SLC12A1: variants seen among roughly 807,000 people sequenced by gnomAD.
SLC12A1 encodes the protein Na-K-2Cl cotransporter.
Under a neutral mutation model 130.4 loss-of-function variants are expected in SLC12A1, and 89 were observed. The observed-to-expected ratio is 0.68, with a 90% CI of 0.58 to 0.81. The LOEUF (loss-of-function observed/expected upper bound fraction) is 0.81, where lower values mean the gene tolerates loss of function less well. SLC12A1 is among the 40% of genes least tolerant of loss of function. The probability of loss-of-function intolerance (pLI) is 0.00; values close to 1 mark genes in which losing one functional copy is unlikely to be tolerated. For synonymous variants in SLC12A1, 499 were observed against 460.0 expected, an observed-to-expected ratio of 1.08 and a Z score of -1.09; for missense variants, 1,310 against 1,336.4, an observed-to-expected ratio of 0.98 and a Z score of 0.31.
intron 17 of SLC12A1, 46 bp downstream of exon 17, chr15:48,259,357 A>G (rs1369721993): frequency 8.0e-7 from 1 of 1,254,304 alleles, no homozygotes; most frequent in South Asian, 1.2e-5. Flanking sequence ...CTCCCTGCTT[A>G]TCTTGGATTA....
At chr15:48,289,394 C>CATATATAT (rs10609887) in intron 23 of SLC12A1, among the ~76,000 whole-genome samples, 20 of 112,860 alleles carry the variant, frequency 1.8e-4, no homozygotes, top group East Asian at 5.7e-4. Context: ...GTGAATGTGA[C>CATATATAT]ATATATATAT....
chr15:48,254,627 A>C (rs963946095), intron 15 of SLC12A1, among the ~76,000 whole-genome samples: 2 of 142,986 alleles, frequency 1.4e-5, no homozygotes, highest in Non-Finnish European at 1.5e-5. Flanking sequence ...AAAAAAAAAA[A>C]AAACCCAAAA....
Position 48,302,870 on chromosome 15 carries a change from G to C in SLC12A1, c.3285G>C (p.Leu1095Phe), listed in dbSNP as rs1258786812. 1.9e-6 allele frequency: 3 copies of C among 1,610,086 alleles called. No individual in the cohort carries two copies. The highest frequency in any genetic ancestry group is 2.5e-6 in the Non-Finnish European group (3 of 1,177,002). The change falls in exon 27 of 27, where the codon TTG becomes TTC. Residue 1095 changes from leucine to phenylalanine, a missense_variant. Physicochemically the swap from Leu to Phe is conservative, Grantham distance 22. Coordinates refer to ENST00000380993, the MANE Select transcript of SLC12A1 (RefSeq NM_000338.3). ...TTAGAGGAAATCACAAAAATGTCTT[G>C]ACATTTTACTCTTAAAACATGAAAG... The part of the protein sequence containing the change: ...LLVRGNHKNV[L>F]TFYS
At chr15:48,233,746 A>G (rs2041406752) in intron 8 of SLC12A1, among the ~76,000 whole-genome samples, 1 of 152,042 alleles carries the variant, frequency 6.6e-6, no homozygotes, top group Admixed American at 6.6e-5. Flanking sequence ...TTCTTCATAA[A>G]GACTTTCTGG....
intron 16 of SLC12A1, among the ~76,000 whole-genome samples, chr15:48,257,434 T>A (rs753900371): frequency 5.3e-5 from 8 of 152,150 alleles, no homozygotes; most frequent in Non-Finnish European, 8.8e-5. Flanking sequence ...TGCACTACCC[T>A]AGCAGAGGTT....
intron 2 of SLC12A1, among the ~76,000 whole-genome samples, chr15:48,216,214 G>A (rs1389525384): frequency 6.6e-6 from 1 of 152,064 alleles, no homozygotes; most frequent in African/African-American, 2.4e-5. Flanking sequence ...ACATATAGTG[G>A]TTTCCCTGTC....
At chr15:48,226,858 C>T (rs2141027706) in intron 5 of SLC12A1, 1 of 596,424 alleles carries the variant, frequency 1.7e-6, no homozygotes, top group East Asian at 2.8e-5. Flanking sequence ...ACACCTCTAG[C>T]TGATGTTCCT....
At chr15:48,235,230 G>C in intron 9 of SLC12A1, 1 of 581,446 alleles carries the variant, frequency 1.7e-6, no homozygotes, top group African/African-American at 1.9e-5. Flanking sequence ...AGAAGAACAG[G>C]GTAGTGTGAT....
intron 7 of SLC12A1, 147 bp from the exon 8 acceptor site, chr15:48,232,580 G>T (rs1304540488): frequency 4.6e-6 from 3 of 658,540 alleles, no homozygotes; most frequent in African/African-American, 1.8e-5. Flanking sequence ...TTCTAATAAG[G>T]ATGCATGTAT....
rs199719506 is a variant in SLC12A1 at position 48,207,807 on chromosome 15, C to G, written c.88C>G (p.His30Asp). The part of the protein sequence containing the change: ...RFQVSVINEN[H>D]ESSAAADDNT... ...TCAAGTTAGTGTCATAAATGAGAAC[C>G]ATGAGAGCAGTGCAGCTGCAGATGA... Residue 30 changes from histidine (H) to aspartate (D), a missense_variant, in exon 2 of 27, where the codon CAT (histidine) becomes GAT (aspartate). Transcript: ENST00000380993. 198 of 1,613,886 alleles carry G rather than the reference C, an allele frequency of 1.2e-4. No individual in the cohort carries two copies. Among genetic ancestry groups the G allele is most frequent in the Non-Finnish European group, 1.6e-4 (189 of 1,179,848 alleles).
At chr15:48,278,130 A>C (rs1470457048) in intron 20 of SLC12A1, among the ~76,000 whole-genome samples, 1 of 152,234 alleles carries the variant, frequency 6.6e-6, no homozygotes, top group African/African-American at 2.4e-5. Context: ...ATACTTTAGT[A>C]GCAACATAGT....
At position 48,246,896 on chromosome 15, in the gene SLC12A1, C is replaced by T. The variant is rs772821572; in HGVS notation, c.1453-13C>T. ...TCACAGAAAGTCTCCTTACTTGTAC[C>T]TCTCTTCTCAAGGTCATGAGCATGG... is the stretch of plus-strand genomic sequence containing the variant. On this transcript the variant is annotated splice_polypyrimidine_tract_variant and intron_variant, in intron 11 of 26. Coordinates refer to ENST00000380993, the MANE Select transcript of SLC12A1 (RefSeq NM_000338.3). 12 of 1,591,382 alleles carry T rather than the reference C, an allele frequency of 7.5e-6. No homozygotes were observed. Among genetic ancestry groups the T allele is most frequent in the Non-Finnish European group, 8.6e-6 (10 of 1,159,292 alleles).
chr15:48,276,554 C>T (rs368322874), intron 20 of SLC12A1, among the ~76,000 whole-genome samples: 6 of 152,296 alleles, frequency 3.9e-5, no homozygotes, highest in East Asian at 3.9e-4. Context: ...CAGCTATCTT[C>T]AAGCCAAGGA....
intron 19 of SLC12A1, among the ~76,000 whole-genome samples, chr15:48,273,151 A>C (rs1458878714): frequency 6.6e-6 from 1 of 150,530 alleles, no homozygotes; most frequent in Non-Finnish European, 1.5e-5. Flanking sequence ...AGTTCTGTCG[A>C]TTAGTCTGGC....
Position 48,259,271 on chromosome 15 carries a change from C to T in SLC12A1, c.2114C>T (p.Thr705Ile). ...CTCCTGGACATAACTCACGCCTTTA[C>T]CAAGAACAGTGGCCTTTGCATCTGC... ...PALLDITHAFTKNSGLCICCE... is the reference protein window; with the variant it reads ...PALLDITHAFIKNSGLCICCE... The change falls in exon 17 of 27, where the codon ACC becomes ATC. Residue 705 changes from threonine (T) to isoleucine (I), a missense_variant. Coordinates refer to ENST00000380993, the MANE Select transcript of SLC12A1 (RefSeq NM_000338.3). The T allele has an allele frequency of 6.2e-7, 1 of 1,613,840 alleles. No homozygotes were observed. The highest frequency in any genetic ancestry group is 8.5e-7 in the Non-Finnish European group (1 of 1,179,794).
chr15:48,241,961 G>A (rs986335695), intron 10 of SLC12A1, among the ~76,000 whole-genome samples: 1 of 152,144 alleles, frequency 6.6e-6, no homozygotes, highest in Admixed American at 6.5e-5. Context: ...GTAGAGAAAA[G>A]AAGTGAAAAA....
chr15:48,215,290 C>T (rs1014286120), intron 2 of SLC12A1, among the ~76,000 whole-genome samples: 7 of 152,100 alleles, frequency 4.6e-5, no homozygotes, highest in Non-Finnish European at 7.4e-5. Context: ...CATTAGTTGT[C>T]AAAATTGGAG....
At chr15:48,263,350 C>T (rs1486856045) in intron 17 of SLC12A1, among the ~76,000 whole-genome samples, 1 of 152,084 alleles carries the variant, frequency 6.6e-6, no homozygotes, top group Non-Finnish European at 1.5e-5. Flanking sequence ...TTGCAAAAGG[C>T]TTTCAGGTTT....
intron 23 of SLC12A1, among the ~76,000 whole-genome samples, chr15:48,289,704 T>C (rs927451572): frequency 6.6e-6 from 1 of 151,972 alleles, no homozygotes; most frequent in African/African-American, 2.4e-5. Flanking sequence ...TATTTGTATA[T>C]CAAAACACAG....
Sources: allele counts gnomAD v4.1 joint callset (sites outside exome capture counted in the v4.1 genomes callset), GRCh38; gene constraint gnomAD v4.1.1; transcripts MANE v1.5; gene names NCBI Gene and HGNC (gene_info 2026-07-23, HGNC 2026-07-21).